Variants in CLYBL observed in about 807,000 individuals in gnomAD.
CLYBL encodes the protein citramalyl-CoA lyase, mitochondrial.
A neutral mutation model predicts 38.9 loss-of-function variants in CLYBL; 31 were observed. That is an observed-to-expected ratio of 0.80 (90% CI 0.60 to 1.08). The LOEUF is 1.08. Among genes scored for constraint, CLYBL ranks in the 50% least tolerant of loss-of-function variants. The probability of loss-of-function intolerance (pLI) is 0.00; values close to 1 mark genes in which losing one functional copy is unlikely to be tolerated. For synonymous variants in CLYBL, 171 were observed against 158.6 expected (o/e 1.08, Z -0.59); for missense variants, 434 against 411.6 (o/e 1.05, Z -0.47).
chr13:99,837,899 A>G (rs2050976595), intron 2 of CLYBL, among the ~76,000 whole-genome samples: 2 of 152,268 alleles, frequency 1.3e-5, no homozygotes, highest in African/African-American at 4.8e-5. Flanking sequence ...CAAAACGTGT[A>G]CTAAGCTTCT....
At chr13:99,679,679 A>G (rs1227080058) in intron 1 of CLYBL, among the ~76,000 whole-genome samples, 2 of 152,122 alleles carry the variant, frequency 1.3e-5, no homozygotes, top group East Asian at 3.9e-4. Flanking sequence ...ATGAGTAACC[A>G]CAATCCACTT....
intron 1 of CLYBL, among the ~76,000 whole-genome samples, chr13:99,628,710 T>C (rs2046902787): frequency 6.6e-6 from 1 of 152,170 alleles, no homozygotes; most frequent in South Asian, 2.1e-4. Flanking sequence ...GCAATCAGTG[T>C]GTAATAGAGT....
intron 2 of CLYBL, among the ~76,000 whole-genome samples, chr13:99,841,291 C>A (rs1035123057): frequency 2.0e-4 from 30 of 152,072 alleles, no homozygotes; most frequent in African/African-American, 7.0e-4. Context: ...AAACTAGATG[C>A]CATAGGAGAG....
chr13:99,815,993 A>G (rs752760606), intron 2 of CLYBL, among the ~76,000 whole-genome samples: 4 of 152,222 alleles, frequency 2.6e-5, no homozygotes, highest in African/African-American at 7.2e-5. Flanking sequence ...CCATACTTCA[A>G]TTGTTTCTGA....
intron 1 of CLYBL, among the ~76,000 whole-genome samples, chr13:99,725,202 C>T (rs904545120): frequency 7.2e-5 from 11 of 152,188 alleles, no homozygotes; most frequent in African/African-American, 2.4e-4. Flanking sequence ...AAAGAGCCCG[C>T]TCTCAGGTTG....
chr13:99,636,942 T>C (rs2047026447), intron 1 of CLYBL, among the ~76,000 whole-genome samples: 3 of 152,184 alleles, frequency 2.0e-5, no homozygotes, highest in Non-Finnish European at 4.4e-5. Flanking sequence ...TGGTGCAGTC[T>C]TGGCTCACTG....
At chr13:99,627,907 C>A (rs187505516) in intron 1 of CLYBL, among the ~76,000 whole-genome samples, 2 of 152,250 alleles carry the variant, frequency 1.3e-5, no homozygotes, top group East Asian at 3.9e-4. Context: ...ATGTGAATTT[C>A]ATGTATTTTC....
At chr13:99,636,957 A>G (rs1023769740) in intron 1 of CLYBL, among the ~76,000 whole-genome samples, 1 of 152,016 alleles carries the variant, frequency 6.6e-6, no homozygotes, top group African/African-American at 2.4e-5. Context: ...TCACTGCATC[A>G]CTGCATCCCC....
intron 1 of CLYBL, among the ~76,000 whole-genome samples, chr13:99,708,335 C>T (rs2048177437): frequency 6.6e-6 from 1 of 152,220 alleles, no homozygotes; most frequent in African/African-American, 2.4e-5. Flanking sequence ...AATTCTCAGT[C>T]ATCCACCTAA....
At chr13:99,906,021 G>A (rs1432715241) in intron 9 of CLYBL, among the ~76,000 whole-genome samples, 1 of 152,094 alleles carries the variant, frequency 6.6e-6, no homozygotes, top group Non-Finnish European at 1.5e-5. Context: ...TGATCCACCT[G>A]CCTCAGCCTC....
chr13:99,783,108 T>A (rs761394060), intron 2 of CLYBL, among the ~76,000 whole-genome samples: 2 of 152,094 alleles, frequency 1.3e-5, no homozygotes, highest in Non-Finnish European at 2.9e-5. Context: ...AGTGGCATGA[T>A]CTCGGCTCAC....
At chr13:99,729,883 G>A (rs2139564930) in intron 1 of CLYBL, among the ~76,000 whole-genome samples, 1 of 131,068 alleles carries the variant, frequency 7.6e-6, no homozygotes, top group South Asian at 2.8e-4. Context: ...CCGCTTCAGT[G>A]TGGCTGGTGC....
At chr13:99,703,519 GCCA>G (rs971255416) in intron 1 of CLYBL, among the ~76,000 whole-genome samples, 9 of 152,040 alleles carry the variant, frequency 5.9e-5, no homozygotes, top group African/African-American at 1.9e-4. Context: ...ATAGGCACAT[GCCA>G]CCATGCCCAG....
chr13:99,837,260 C>T (rs905871466), intron 2 of CLYBL, among the ~76,000 whole-genome samples: 10 of 152,004 alleles, frequency 6.6e-5, no homozygotes, highest in Admixed American at 3.3e-4. Flanking sequence ...CCAGCCTGGG[C>T]AACACAGTGA....
intron 1 of CLYBL, among the ~76,000 whole-genome samples, chr13:99,769,629 C>G (rs1200433649): frequency 6.6e-6 from 1 of 152,178 alleles, no homozygotes; most frequent in African/African-American, 2.4e-5. Context: ...AAAACGATGA[C>G]AGATATTTCA....
Position 99,688,991 on chromosome 13 carries a change from C to T in CLYBL, c.62+82234C>T, listed in dbSNP as rs375221344. On this transcript the variant is annotated intron_variant, in intron 1 of 8. Transcript: ENST00000339105. The stretch of plus-strand genomic sequence containing the variant: ...GGGACTGAGGCCAAGGTGAAACCTG[C>T]GTTTTCCAGGTCTGCCCACTCAGTT... 5.1e-4 allele frequency among the ~76,000 whole-genome samples: 78 copies of T among 152,230 alleles called. 2 individuals are homozygous for T. The South Asian group carries it at 6.8e-3, about 13-fold the overall frequency.
chr13:99,731,110 G>A (rs951890548), intron 1 of CLYBL, among the ~76,000 whole-genome samples: 2 of 148,584 alleles, frequency 1.3e-5, no homozygotes, highest in Admixed American at 1.3e-4. Context: ...AAAAAAAGGC[G>A]GGGGCTTGGA....
At chr13:99,635,624 A>G (rs1167284872) in intron 1 of CLYBL, among the ~76,000 whole-genome samples, 2 of 152,150 alleles carry the variant, frequency 1.3e-5, no homozygotes, top group African/African-American at 4.8e-5. Flanking sequence ...CCTATTCCCT[A>G]GCATGCTGAA....
intron 1 of CLYBL, among the ~76,000 whole-genome samples, chr13:99,718,502 G>T (rs1183081908): frequency 6.6e-6 from 1 of 152,180 alleles, no homozygotes. Context: ...AATGCCTTCA[G>T]CTTGAAGTAA....
Sources: gnomAD v4.1 joint callset for allele counts (sites outside exome capture counted in the v4.1 genomes callset) on GRCh38, gnomAD v4.1.1 for gene constraint, MANE v1.5 for transcripts, NCBI Gene and HGNC (gene_info 2026-07-23, HGNC 2026-07-21) for gene names.